CCSER1: variants seen among roughly 807,000 people sequenced by gnomAD.
The protein encoded by CCSER1 is serine-rich coiled-coil domain-containing protein 1.
In CCSER1, 41 loss-of-function variants were observed where a neutral mutation model predicts 82.0. The ratio of observed to expected loss-of-function variants is 0.50; its 90% CI spans 0.39 to 0.65. CCSER1 has a LOEUF of 0.65. Ranked by LOEUF, CCSER1 falls within the 30% of genes least tolerant of loss-of-function variation. The probability of loss-of-function intolerance (pLI) is 0.00; values close to 1 mark genes in which losing one functional copy is unlikely to be tolerated. For synonymous variants in CCSER1, 414 were observed against 383.9 expected, an observed-to-expected ratio of 1.08 and a Z score of -0.92; for missense variants, 1,119 against 1,064.2, an observed-to-expected ratio of 1.05 and a Z score of -0.72.
chr4:91,368,941 C>A (rs1749828899), intron 10 of CCSER1, among the ~76,000 whole-genome samples: 1 of 152,186 alleles, frequency 6.6e-6, no homozygotes, highest in Non-Finnish European at 1.5e-5. Context: ...GAGGAGACAT[C>A]TCAATCCTGC....
intron 10 of CCSER1, among the ~76,000 whole-genome samples, chr4:91,392,365 A>ACACACG (rs980625631): frequency 4.0e-5 from 6 of 149,014 alleles, no homozygotes; most frequent in East Asian, 3.9e-4. Flanking sequence ...CTACACATGC[A>ACACACG]CACACACACA....
At chr4:90,466,238 A>T (rs944737596) in intron 4 of CCSER1, among the ~76,000 whole-genome samples, 1 of 152,210 alleles carries the variant, frequency 6.6e-6, no homozygotes, top group African/African-American at 2.4e-5. Context: ...AGCAGAAAGA[A>T]TGTTTTTTCC....
At chr4:91,077,246 T>C (rs1254655911) in intron 9 of CCSER1, among the ~76,000 whole-genome samples, 1 of 152,126 alleles carries the variant, frequency 6.6e-6, no homozygotes, top group Admixed American at 6.5e-5. Flanking sequence ...CACTAAAGAC[T>C]ACTTCAGACT....
intron 6 of CCSER1, among the ~76,000 whole-genome samples, chr4:90,662,496 G>A (rs1731009086): frequency 6.6e-6 from 1 of 151,928 alleles, no homozygotes; most frequent in Admixed American, 6.6e-5. Context: ...ATAATGTTCT[G>A]TGAGTAAATA....
At chr4:91,459,908 C>T (rs1010273379) in intron 10 of CCSER1, among the ~76,000 whole-genome samples, 2 of 152,072 alleles carry the variant, frequency 1.3e-5, no homozygotes, top group African/African-American at 4.8e-5. Flanking sequence ...AACAGCTCCT[C>T]ACCTTGCTTG....
chr4:90,166,184 G>C (rs1730417791), intron 1 of CCSER1, among the ~76,000 whole-genome samples: 1 of 151,996 alleles, frequency 6.6e-6, no homozygotes, highest in African/African-American at 2.4e-5. Context: ...TACTATAAAA[G>C]AGGCTTTGTG....
intron 9 of CCSER1, among the ~76,000 whole-genome samples, chr4:91,085,605 A>G (rs2148815805): frequency 6.6e-6 from 1 of 152,252 alleles, no homozygotes; most frequent in East Asian, 1.9e-4. Context: ...GGTGAACTAG[A>G]GTAGGAGGTT....
intron 10 of CCSER1, among the ~76,000 whole-genome samples, chr4:91,165,140 C>G (rs1171485327): frequency 6.6e-6 from 1 of 152,148 alleles, no homozygotes; most frequent in Non-Finnish European, 1.5e-5. Context: ...TTTTGTTGAT[C>G]TTGATGCTAT....
chr4:91,390,634 G>C (rs888172422), intron 10 of CCSER1, among the ~76,000 whole-genome samples: 26 of 151,724 alleles, frequency 1.7e-4, no homozygotes, highest in African/African-American at 6.3e-4. Flanking sequence ...TTTATCTTCT[G>C]AATGATAGTG....
At chr4:90,778,144 C>G (rs1753195477) in intron 7 of CCSER1, among the ~76,000 whole-genome samples, 1 of 152,022 alleles carries the variant, frequency 6.6e-6, no homozygotes, top group African/African-American at 2.4e-5. Context: ...TGCCTGTAAC[C>G]AAATAACTCA....
chr4:90,718,378 G>A lies in CCSER1; in HGVS notation c.1933-5536G>A, dbSNP rs539162210. 2.2e-4 allele frequency among the ~76,000 whole-genome samples: 33 copies of A among 152,040 alleles called. No individual in the cohort carries two copies. The South Asian group carries it at 6.2e-3, about 29-fold the overall frequency. ...TTATAAATAAACTTTAATCCCATAG[G>A]ACAGATCCATTAATTATGCTTTCAG... On this transcript the variant is annotated intron_variant, in intron 6 of 10. Transcript: ENST00000509176.
chr4:90,943,289 G>C (rs1731813984), intron 9 of CCSER1, among the ~76,000 whole-genome samples: 1 of 152,026 alleles, frequency 6.6e-6, no homozygotes, highest in African/African-American at 2.4e-5. Context: ...TCCTTAAAAA[G>C]TTATTGTGTT....
intron 10 of CCSER1, among the ~76,000 whole-genome samples, chr4:91,317,582 G>A (rs1476030820): frequency 2.0e-5 from 3 of 151,958 alleles, no homozygotes; most frequent in East Asian, 3.9e-4. Flanking sequence ...AGGAAACAAA[G>A]TATATACGTG....
At chr4:90,815,076 A>G (rs970120518) in intron 7 of CCSER1, among the ~76,000 whole-genome samples, 1 of 152,186 alleles carries the variant, frequency 6.6e-6, no homozygotes, top group Admixed American at 6.5e-5. Context: ...TAATTGATTC[A>G]CAGTTTCTCA....
chr4:90,255,534 T>C (rs1723128047), intron 1 of CCSER1, among the ~76,000 whole-genome samples: 1 of 152,178 alleles, frequency 6.6e-6, no homozygotes, highest in South Asian at 2.1e-4. Context: ...TAGTTTACAG[T>C]TTGACAATGG....
At chr4:91,081,867 A>T (rs6836674) in intron 9 of CCSER1, among the ~76,000 whole-genome samples, 1 of 151,952 alleles carries the variant, frequency 6.6e-6, no homozygotes, top group Admixed American at 6.5e-5. Flanking sequence ...GGACGTGAAG[A>T]ACCTCTTCAA....
chr4:91,468,115 G>A (rs563980076), intron 10 of CCSER1, among the ~76,000 whole-genome samples: 4 of 152,182 alleles, frequency 2.6e-5, no homozygotes, highest in East Asian at 3.9e-4. Flanking sequence ...ATGTCCAACA[G>A]TGATAGACTG....
intron 4 of CCSER1, among the ~76,000 whole-genome samples, chr4:90,440,909 A>G (rs530260917): frequency 6.6e-6 from 1 of 152,264 alleles, no homozygotes; most frequent in African/African-American, 2.4e-5. Context: ...CTATTCTCAG[A>G]GAGCTTTAAC....
chr4:90,664,480 T>C (rs1385680661), intron 6 of CCSER1, among the ~76,000 whole-genome samples: 1 of 152,196 alleles, frequency 6.6e-6, no homozygotes, highest in Non-Finnish European at 1.5e-5. Flanking sequence ...TCATCAGCAT[T>C]GTATTTTTCT....
Sources: gnomAD v4.1 joint callset for allele counts (sites outside exome capture counted in the v4.1 genomes callset) on GRCh38, gnomAD v4.1.1 for gene constraint, MANE v1.5 for transcripts, NCBI Gene and HGNC (gene_info 2026-07-23, HGNC 2026-07-21) for gene names.